Variants in OXSR1 observed in about 807,000 individuals in gnomAD.
OXSR1 encodes the protein oxidative stress responsive kinase 1.
OXSR1 carries 24 observed loss-of-function variants against 79.8 expected under a neutral mutation model. That is an observed-to-expected ratio of 0.30 (90% confidence interval 0.22 to 0.42). OXSR1 has a LOEUF of 0.42. Among genes scored for constraint, OXSR1 ranks in the 10% least tolerant of loss-of-function variants. The pLI is 1.00. For synonymous variants in OXSR1, 226 were observed against 209.2 expected (o/e 1.08, Z -0.69); for missense variants, 430 against 618.4 (o/e 0.70, Z 3.23).
At chr3:38,210,826 G>C (rs1340291207) in intron 4 of OXSR1, among the ~76,000 whole-genome samples, 3 of 152,196 alleles carry the variant, frequency 2.0e-5, no homozygotes, top group African/African-American at 4.8e-5. Context: ...TGTGAAGACA[G>C]AAGTGACAAG....
At chr3:38,193,044 C>T (rs1035324756) in intron 3 of OXSR1, among the ~76,000 whole-genome samples, 3 of 152,184 alleles carry the variant, frequency 2.0e-5, no homozygotes, top group Non-Finnish European at 4.4e-5. Flanking sequence ...AATTGTATGT[C>T]ATTGGGAAAA....
At chr3:38,252,564 C>G (rs1280179333) in intron 17 of OXSR1, among the ~76,000 whole-genome samples, 172 bp downstream of exon 17, 1 of 152,164 alleles carries the variant, frequency 6.6e-6, no homozygotes, top group Non-Finnish European at 1.5e-5. Context: ...GCCACTCTTC[C>G]TCTGTCCATG....
rs1559531792 is a variant in OXSR1 at position 38,253,092 on chromosome 3, C to A, written c.*201C>A. The A allele has an allele frequency of 8.7e-6, 5 of 574,082 alleles. No homozygotes were observed. 35.6% of individuals were successfully genotyped at this position (574,082 alleles called of 1,614,324 possible). A position where few individuals can be genotyped will look rare whatever the true frequency, so the allele number is the denominator to read the frequency against. ...AAGTTGGATCACTAGTGGCCAGCAT[C>A]CCCAGAGTTCCGTTAGTAAACTTAC... On this transcript the variant is annotated 3_prime_UTR_variant, in exon 18 of 18. Coordinates refer to ENST00000311806, the MANE Select transcript of OXSR1 (RefSeq NM_005109.3).
At chr3:38,221,519 C>G (rs771756459) in intron 5 of OXSR1, 59 bp from the exon 6 acceptor site, 41 of 877,608 alleles carry the variant, frequency 4.7e-5, no homozygotes, top group Non-Finnish European at 7.6e-5. Flanking sequence ...GTATTGTTTT[C>G]CTATTCATTT....
In OXSR1 at chr3:38,165,748, G is replaced by C; in HGVS notation, c.-129G>C. 1.2e-6 allele frequency: 1 copy of C among 820,076 alleles called. No homozygotes were observed. 50.8% of individuals were successfully genotyped at this position (820,076 alleles called of 1,614,324 possible). A position where few individuals can be genotyped will look rare whatever the true frequency, so the allele number is the denominator to read the frequency against. On this transcript the variant is annotated 5_prime_UTR_variant, in exon 1 of 18. Coordinates refer to ENST00000311806, the MANE Select transcript of OXSR1 (RefSeq NM_005109.3). ...CGCGCCCCGGCGCCGTCCGACCCGT[G>C]GCTGTTCCGAGACGATTGGTGGGGG...
chr3:38,180,854 T>C (rs1701771358), intron 1 of OXSR1, among the ~76,000 whole-genome samples: 1 of 152,068 alleles, frequency 6.6e-6, no homozygotes, highest in Non-Finnish European at 1.5e-5. Context: ...CTACTTCCAT[T>C]GTCTCATCTC....
At chr3:38,245,920 C>T (rs970599925) in intron 12 of OXSR1, among the ~76,000 whole-genome samples, 155 bp from the exon 13 acceptor site, 4 of 152,144 alleles carry the variant, frequency 2.6e-5, no homozygotes, top group African/African-American at 9.7e-5. Context: ...TATTTGACTT[C>T]CGTTTGGAAT....
intron 4 of OXSR1, 133 bp from the exon 5 acceptor site, chr3:38,215,963 T>C: frequency 1.5e-6 from 1 of 649,834 alleles, no homozygotes; most frequent in Non-Finnish European, 2.7e-6. Context: ...CTATTAGTCT[T>C]AATATCCTTT....
chr3:38,230,875 T>C (rs925946875), intron 10 of OXSR1, among the ~76,000 whole-genome samples: 2 of 152,222 alleles, frequency 1.3e-5, no homozygotes, highest in African/African-American at 4.8e-5. Flanking sequence ...TGCTTTAATA[T>C]CTCAGTTTGG....
chr3:38,207,354 A>G (rs1176128227), intron 4 of OXSR1, among the ~76,000 whole-genome samples: 2 of 152,252 alleles, frequency 1.3e-5, no homozygotes, highest in Non-Finnish European at 2.9e-5. Context: ...CCATGGAGTC[A>G]GGGACTCAGG....
rs1420853122 is a variant in OXSR1, at chr3:38,246,192, C to G, written c.1228C>G (p.Pro410Ala). ...ATQPTQVSLP[P>A]TAEPAKTAQA... Reference sequence around the variant, plus strand: ...ACAGCCAACTCAAGTCTCTCTCCCACCCACCGCAGAGCCAGCAAAAACAGC... The same window carrying G: ...ACAGCCAACTCAAGTCTCTCTCCCAGCCACCGCAGAGCCAGCAAAAACAGC... The change falls in exon 13 of 18, where the codon CCC becomes GCC. Residue 410 changes from proline to alanine, a missense_variant. By Grantham distance (27) the Pro-to-Ala change is conservative (BLOSUM62 -1). This residue lies in a region of OXSR1 where 276 missense variants were observed against 354.2 expected (regional missense o/e 0.78). Coordinates refer to ENST00000311806, the MANE Select transcript of OXSR1 (RefSeq NM_005109.3). 8.1e-6 allele frequency: 13 copies of G among 1,613,810 alleles called. No individual in the cohort carries two copies. Among genetic ancestry groups the G allele is most frequent in the Non-Finnish European group, 1.0e-5 (12 of 1,179,812 alleles).
rs62242681 is a variant in OXSR1 at position 38,199,418 on chromosome 3, G to T, written c.434+555G>T. Among the ~76,000 whole-genome samples, 704 of 151,956 alleles carry T rather than the reference G, an allele frequency of 4.6e-3. 3 individuals carry two copies. The highest frequency in any genetic ancestry group is 7.8e-3 in the Non-Finnish European group (529 of 67,950). On this transcript the variant is annotated intron_variant, in intron 4 of 17. Transcript: ENST00000311806. ...CTAATTTTTAATTTTCATAAAGATGGGGTCTTGCTATGTTGCCCAGGCTGT... is the reference window on the plus strand; with the variant it reads ...CTAATTTTTAATTTTCATAAAGATGTGGTCTTGCTATGTTGCCCAGGCTGT...
At chr3:38,241,819 A>G (rs903942356) in intron 11 of OXSR1, among the ~76,000 whole-genome samples, 3 of 151,328 alleles carry the variant, frequency 2.0e-5, no homozygotes, top group African/African-American at 7.3e-5. Context: ...TTTTTTAAAA[A>G]AAAGGTTTTG....
At chr3:38,231,843 A>G (rs1262108387) in intron 10 of OXSR1, among the ~76,000 whole-genome samples, 1 of 152,216 alleles carries the variant, frequency 6.6e-6, no homozygotes, top group Non-Finnish European at 1.5e-5. Context: ...GCAGTGGCTC[A>G]TGCCTGTAAT....
At chr3:38,227,038 G>A (rs1328266638) in intron 8 of OXSR1, among the ~76,000 whole-genome samples, 1 of 152,154 alleles carries the variant, frequency 6.6e-6, no homozygotes. Context: ...TCTTCTGTAA[G>A]TCTAAAATTA....
At chr3:38,180,937 A>G (rs1178759805) in intron 1 of OXSR1, among the ~76,000 whole-genome samples, 4 of 152,054 alleles carry the variant, frequency 2.6e-5, no homozygotes, top group African/African-American at 7.2e-5. Context: ...CACCCAGACA[A>G]TTTAGGATAA....
At position 38,220,713 on chromosome 3, in the gene OXSR1, T is replaced by A. The variant is rs35971609; in HGVS notation, c.491-865T>A. On this transcript the variant is annotated intron_variant, in intron 5 of 17. Coordinates refer to ENST00000311806, the MANE Select transcript of OXSR1 (RefSeq NM_005109.3). ...ATGGCTCAGCTCCAGTGACCCTTAA[T>A]TTCTTTGTCTTTCCATTCAAGCTTC... is the stretch of plus-strand genomic sequence containing the variant. Among the ~76,000 whole-genome samples the A allele has an allele frequency of 2.9e-3, 445 of 152,312 alleles. 1 individual carries two copies. The highest frequency in any genetic ancestry group is 0.01 in the African/African-American group (425 of 41,574).
rs1254253588 is a variant in OXSR1 at position 38,165,828 on chromosome 3, G to C, written c.-49G>C. 2.6e-6 allele frequency: 4 copies of C among 1,531,828 alleles called. No homozygotes were observed. Among genetic ancestry groups the C allele is most frequent in the Admixed American group, 1.8e-5 (1 of 54,960 alleles). 94.9% of individuals were successfully genotyped at this position (1,531,828 alleles called of 1,614,324 possible). ...GTGGGGAGACGCGCGGCGAGGAGACGAGCGAGGTCAGCGAGTTTGAGGGAG... is the reference window on the plus strand; with the variant it reads ...GTGGGGAGACGCGCGGCGAGGAGACCAGCGAGGTCAGCGAGTTTGAGGGAG... On this transcript the variant is annotated 5_prime_UTR_variant, in exon 1 of 18. Coordinates refer to ENST00000311806, the MANE Select transcript of OXSR1 (RefSeq NM_005109.3).
intron 4 of OXSR1, among the ~76,000 whole-genome samples, chr3:38,202,967 T>A (rs1702190708): frequency 6.6e-6 from 1 of 152,174 alleles, no homozygotes; most frequent in Non-Finnish European, 1.5e-5. Flanking sequence ...CACCAGCTTC[T>A]TGTAGAAGGC....
Sources: allele counts gnomAD v4.1 joint callset (sites outside exome capture counted in the v4.1 genomes callset), GRCh38; gene constraint gnomAD v4.1.1; regional missense constraint gnomAD v4.1.1; transcripts MANE v1.5; gene names NCBI Gene and HGNC (gene_info 2026-07-23, HGNC 2026-07-21).